Variants in SIK3 observed in about 807,000 individuals in gnomAD.
SIK3 encodes the protein SIK family kinase 3.
SIK3 carries 28 observed loss-of-function variants against 144.2 expected under a neutral mutation model. The ratio of observed to expected loss-of-function variants is 0.19; its 90% CI spans 0.14 to 0.27. SIK3 has a LOEUF of 0.27. SIK3 is among the 10% of genes least tolerant of loss of function. The pLI, the probability that SIK3 is intolerant of heterozygous loss-of-function variation, is 1.00. For missense variants in SIK3, 1,319 were observed against 1,776.0 expected (o/e 0.74, Z 4.62); for synonymous variants, 686 against 676.3 (o/e 1.01, Z -0.22).
chr11:116,997,156 C>G (rs1050855413), intron 1 of SIK3, among the ~76,000 whole-genome samples: 2 of 152,214 alleles, frequency 1.3e-5, no homozygotes, highest in Admixed American at 1.3e-4. Flanking sequence ...TTTAAGATAT[C>G]TTCACTGCCA....
chr11:116,944,240 T>C (rs969516882), intron 3 of SIK3, among the ~76,000 whole-genome samples: 1 of 152,114 alleles, frequency 6.6e-6, no homozygotes, highest in Non-Finnish European at 1.5e-5. Flanking sequence ...TGGGAAGCAG[T>C]CTCTGGGTTC....
At chr11:116,907,722 T>A (rs753278560) in intron 4 of SIK3, among the ~76,000 whole-genome samples, 6 of 152,204 alleles carry the variant, frequency 3.9e-5, no homozygotes, top group Non-Finnish European at 8.8e-5. Flanking sequence ...ACTGCCACCC[T>A]TTGCTCTGCT....
At position 116,846,530 on chromosome 11, in the gene SIK3, G is replaced by C; in HGVS notation, c.3976C>G (p.His1326Asp). 1 of 1,614,158 alleles carries C rather than the reference G, an allele frequency of 6.2e-7. No individual in the cohort carries two copies. Among genetic ancestry groups the C allele is most frequent in the Non-Finnish European group, 8.5e-7 (1 of 1,180,018 alleles). The change falls in exon 24 of 25, where the codon CAT becomes GAT. Residue 1326 changes from histidine to aspartate, a missense_variant. Physicochemically the swap from His to Asp is moderately conservative, Grantham distance 81. This residue lies in a region of SIK3 where 646 missense variants were observed against 763.7 expected (regional missense o/e 0.85). Coordinates refer to ENST00000445177, the MANE Select transcript of SIK3 (RefSeq NM_001366686.3). This position sits in a 1 kb window ranked among gnomAD's most constrained non-coding sequence, Gnocchi z 4.1. Reference sequence around the variant, plus strand: ...CCATCACTCAGGTCTGGGTGCTCATGACCTCCCAGGCTTGCCCCACATTCT... The same window carrying C: ...CCATCACTCAGGTCTGGGTGCTCATCACCTCCCAGGCTTGCCCCACATTCT... ...NEECGASLGGHEHPDLSDGSQ... is the reference protein window; with the variant it reads ...NEECGASLGGDEHPDLSDGSQ...
intron 1 of SIK3, among the ~76,000 whole-genome samples, chr11:117,064,821 T>C (rs2135970412): frequency 6.6e-6 from 1 of 152,268 alleles, no homozygotes; most frequent in East Asian, 1.9e-4. Flanking sequence ...GCTAAAATTC[T>C]CGTGTTAGAT....
intron 1 of SIK3, among the ~76,000 whole-genome samples, chr11:117,036,553 T>C (rs1477719758): frequency 6.6e-6 from 1 of 152,176 alleles, no homozygotes; most frequent in Non-Finnish European, 1.5e-5. Context: ...TATGCTCTTT[T>C]AGAGCTGAGA....
intron 1 of SIK3, among the ~76,000 whole-genome samples, chr11:117,029,083 A>AT: frequency 6.6e-6 from 1 of 152,142 alleles, no homozygotes; most frequent in East Asian, 1.9e-4. Flanking sequence ...TAATTTTGGT[A>AT]TTTTTAGTGG....
intron 3 of SIK3, among the ~76,000 whole-genome samples, chr11:116,948,107 C>T (rs1021443207): frequency 6.6e-6 from 1 of 150,740 alleles, no homozygotes; most frequent in Non-Finnish European, 1.5e-5. Context: ...GCTAATTTTT[C>T]TATTTTTTTT....
At chr11:117,012,343 A>G (rs1054267137) in intron 1 of SIK3, among the ~76,000 whole-genome samples, 3 of 152,152 alleles carry the variant, frequency 2.0e-5, no homozygotes, top group African/African-American at 7.2e-5. Flanking sequence ...ATATTGGAGC[A>G]TAGAGGGCAT....
At chr11:116,993,408 A>G (rs556950004) in intron 1 of SIK3, among the ~76,000 whole-genome samples, 2 of 127,460 alleles carry the variant, frequency 1.6e-5, no homozygotes, top group South Asian at 5.0e-4. Flanking sequence ...TTTCTTTATT[A>G]TTGTTTAACT....
At chr11:116,975,648 TA>T (rs1949922697) in intron 1 of SIK3, among the ~76,000 whole-genome samples, 1 of 152,246 alleles carries the variant, frequency 6.6e-6, no homozygotes, top group Non-Finnish European at 1.5e-5. Flanking sequence ...TTTTGGCTAT[TA>T]TGAATAATGC....
intron 4 of SIK3, among the ~76,000 whole-genome samples, chr11:116,902,474 A>C (rs1158533099): frequency 2.0e-5 from 3 of 152,234 alleles, no homozygotes; most frequent in African/African-American, 4.8e-5. Context: ...TAAGGATTTT[A>C]TATGAGAAAT....
intron 1 of SIK3, among the ~76,000 whole-genome samples, chr11:117,059,279 A>T (rs11216255): frequency 6.6e-6 from 1 of 152,114 alleles, no homozygotes; most frequent in Non-Finnish European, 1.5e-5. Flanking sequence ...ACAAAATCAC[A>T]GAGTAAGAGA....
intron 6 of SIK3, among the ~76,000 whole-genome samples, chr11:116,885,047 G>A (rs567822188): frequency 1.3e-5 from 2 of 152,158 alleles, no homozygotes; most frequent in African/African-American, 4.8e-5. Context: ...AGAAGGTGGA[G>A]AATTATCCAT....
intron 15 of SIK3, chr11:116,864,067 C>T: frequency 2.8e-6 from 1 of 363,204 alleles, no homozygotes; most frequent in Non-Finnish European, 5.0e-6. Flanking sequence ...TGGTGAGGTC[C>T]CGAGATCAAG....
At chr11:116,970,255 G>C (rs1049541291) in intron 1 of SIK3, among the ~76,000 whole-genome samples, 3 of 152,192 alleles carry the variant, frequency 2.0e-5, no homozygotes, top group Non-Finnish European at 1.5e-5. Context: ...CCTAGCCTGG[G>C]TGACAGAGTG....
At chr11:117,012,873 A>G (rs1166486182) in intron 1 of SIK3, among the ~76,000 whole-genome samples, 2 of 84,066 alleles carry the variant, frequency 2.4e-5, no homozygotes, top group South Asian at 4.1e-4. Context: ...TTTTTTTGAG[A>G]CAGAGTCTCG....
chr11:117,023,431 T>A (rs1006927870), intron 1 of SIK3, among the ~76,000 whole-genome samples: 17 of 138,492 alleles, frequency 1.2e-4, no homozygotes, highest in East Asian at 2.0e-4. Flanking sequence ...TTTTTTTTTT[T>A]AGACAGGGAC....
intron 1 of SIK3, among the ~76,000 whole-genome samples, chr11:117,089,163 TG>T (rs1260798127): frequency 2.0e-5 from 3 of 151,772 alleles, no homozygotes; most frequent in African/African-American, 7.3e-5. Context: ...CCCAGCACTT[TG>T]GGAGGCTGAG....
At chr11:116,897,343 G>GT in intron 4 of SIK3, 26 bp from the exon 5 acceptor site, 1 of 1,604,358 alleles carries the variant, frequency 6.2e-7, no homozygotes, top group Non-Finnish European at 8.5e-7. Context: ...GACATAATTC[G>GT]TATTATTGTA....
Sources: gnomAD v4.1 joint callset for allele counts (sites outside exome capture counted in the v4.1 genomes callset) on GRCh38, gnomAD v4.1.1 for gene constraint, gnomAD v4.1.1 regional missense constraint, Gnocchi (gnomAD v3.1) non-coding constraint, MANE v1.5 for transcripts, NCBI Gene and HGNC (gene_info 2026-07-23, HGNC 2026-07-21) for gene names.